Variants in PTPRM observed in about 807,000 individuals in gnomAD.
The protein encoded by PTPRM is receptor-type tyrosine-protein phosphatase mu.
A neutral mutation model predicts 186.7 loss-of-function variants in PTPRM; 47 were observed. That is an observed-to-expected ratio of 0.25 (90% confidence interval 0.20 to 0.32). The LOEUF (loss-of-function observed/expected upper bound fraction) is 0.32. Ranked by LOEUF, PTPRM falls within the 10% of genes least tolerant of loss-of-function variation. PTPRM has a pLI of 1.00. For synonymous variants in PTPRM, 668 were observed against 674.9 expected (o/e 0.99, Z 0.16); for missense variants, 1,494 against 1,865.0 (o/e 0.80, Z 3.66).
intron 32 of PTPRM, among the ~76,000 whole-genome samples, chr18:8,398,587 T>A (rs2148623248): frequency 6.6e-6 from 1 of 152,100 alleles, no homozygotes; most frequent in African/African-American, 2.4e-5. Flanking sequence ...CCAACCAACA[T>A]GGTGAAACCC....
intron 5 of PTPRM, among the ~76,000 whole-genome samples, chr18:7,946,405 C>A (rs1363682655): frequency 2.0e-5 from 3 of 152,182 alleles, no homozygotes; most frequent in Non-Finnish European, 4.4e-5. Flanking sequence ...CAAACAAATA[C>A]TTACAGATAT....
intron 7 of PTPRM, among the ~76,000 whole-genome samples, chr18:7,960,450 CATAT>C (rs71354579): frequency 0.063 from 7,596 of 120,382 alleles, 312 homozygotes; most frequent in African/African-American, 0.11. Flanking sequence ...ATATAGGCAA[CATAT>C]ATATATATAT....
chr18:7,940,301 T>C (rs1033816834), intron 5 of PTPRM, among the ~76,000 whole-genome samples: 16 of 152,214 alleles, frequency 1.1e-4, no homozygotes, highest in African/African-American at 2.9e-4. Context: ...CCTGCCTTCA[T>C]GGGACTTGTA....
chr18:7,659,941 G>A (rs2038940142), intron 1 of PTPRM, among the ~76,000 whole-genome samples: 1 of 152,194 alleles, frequency 6.6e-6, no homozygotes, highest in African/African-American at 2.4e-5. Flanking sequence ...TGGGTTCAGA[G>A]GGCTCTGTGG....
At chr18:7,652,007 A>C (rs2038718545) in intron 1 of PTPRM, among the ~76,000 whole-genome samples, 4 of 152,252 alleles carry the variant, frequency 2.6e-5, no homozygotes. Flanking sequence ...TACTCTTCTG[A>C]CAAAGGGCTA....
At chr18:7,600,039 T>C (rs2037361147) in intron 1 of PTPRM, among the ~76,000 whole-genome samples, 1 of 152,240 alleles carries the variant, frequency 6.6e-6, no homozygotes, top group South Asian at 2.1e-4. Context: ...GTTCTCATAA[T>C]GCTTGACCCT....
chr18:7,894,588 G>GAA (rs1430328800), intron 3 of PTPRM, among the ~76,000 whole-genome samples: 9 of 151,070 alleles, frequency 6.0e-5, no homozygotes, highest in East Asian at 5.8e-4. Context: ...TCCGTCTCAG[G>GAA]AAAAATATAT....
chr18:8,064,377 A>T (rs896696382), intron 7 of PTPRM, among the ~76,000 whole-genome samples: 6 of 148,536 alleles, frequency 4.0e-5, no homozygotes, highest in Admixed American at 6.7e-5. Context: ...CTGTAAGACT[A>T]TTTTTTTTTT....
chr18:8,384,503 C>T, intron 29 of PTPRM, 58 bp from the exon 30 acceptor site: 8 of 1,591,606 alleles, frequency 5.0e-6, no homozygotes, highest in Non-Finnish European at 6.9e-6. Flanking sequence ...CTTATCCAAA[C>T]TGTTAGGAGT....
intron 2 of PTPRM, among the ~76,000 whole-genome samples, chr18:7,809,049 A>C (rs1306080956): frequency 6.6e-6 from 1 of 152,152 alleles, no homozygotes; most frequent in African/African-American, 2.4e-5. Flanking sequence ...AATTCTCAGC[A>C]GTCATTACCC....
intron 2 of PTPRM, among the ~76,000 whole-genome samples, chr18:7,785,646 T>C (rs943090972): frequency 1.3e-5 from 2 of 152,200 alleles, no homozygotes; most frequent in South Asian, 2.1e-4. Flanking sequence ...CATTGGTACA[T>C]TTTAGGCAAA....
intron 2 of PTPRM, among the ~76,000 whole-genome samples, chr18:7,874,134 C>T (rs1009039350): frequency 4.0e-5 from 6 of 151,570 alleles, no homozygotes; most frequent in East Asian, 1.9e-4. Flanking sequence ...AAAATCCCTT[C>T]GTATATGTGT....
At chr18:7,592,214 C>T (rs937438990) in intron 1 of PTPRM, among the ~76,000 whole-genome samples, 1 of 151,978 alleles carries the variant, frequency 6.6e-6, no homozygotes, top group African/African-American at 2.4e-5. Flanking sequence ...TTTTAAGAGC[C>T]ACCTGAAAAA....
At chr18:7,733,939 C>G (rs529735293) in intron 1 of PTPRM, among the ~76,000 whole-genome samples, 34 of 152,338 alleles carry the variant, frequency 2.2e-4, no homozygotes, top group South Asian at 6.2e-4. Context: ...GTTGGAGATT[C>G]TCCGGGTACC....
rs1447276609 is a variant in PTPRM at position 7,612,300 on chromosome 18, T to C, written c.73+44409T>C. Among the ~76,000 whole-genome samples the C allele has an allele frequency of 3.9e-5, 6 of 152,170 alleles. No individual in the cohort carries two copies. The South Asian group carries it at 1.0e-3, about 26-fold the overall frequency. ...ATGTGTATGGAACCTGTTGTGAAGG[T>C]GCTGGCCACATTTTCTGATGCTTTA... On this transcript the variant is annotated intron_variant, in intron 1 of 32. Coordinates refer to ENST00000580170, the MANE Select transcript of PTPRM (RefSeq NM_001105244.2).
chr18:8,329,670 A>G (rs1242823286), intron 22 of PTPRM, among the ~76,000 whole-genome samples: 2 of 151,856 alleles, frequency 1.3e-5, no homozygotes, highest in East Asian at 3.9e-4. Context: ...CAGGATCAGC[A>G]CACGATCCGG....
intron 14 of PTPRM, among the ~76,000 whole-genome samples, chr18:8,217,669 A>G (rs2094106250): frequency 6.6e-6 from 1 of 152,028 alleles, no homozygotes; most frequent in South Asian, 2.1e-4. Context: ...CCTGGAAATG[A>G]CTCCATGTCA....
intron 14 of PTPRM, among the ~76,000 whole-genome samples, chr18:8,219,910 T>G (rs2094135414): frequency 6.6e-6 from 1 of 152,146 alleles, no homozygotes; most frequent in African/African-American, 2.4e-5. Context: ...AAGAGTATGT[T>G]TAGTCAATCT....
intron 2 of PTPRM, among the ~76,000 whole-genome samples, chr18:7,850,466 C>T (rs1468279315): frequency 6.6e-6 from 1 of 152,124 alleles, no homozygotes; most frequent in Non-Finnish European, 1.5e-5. Context: ...GCAACTTTTC[C>T]CATTCAGGCA....
Sources: gnomAD v4.1 joint callset for allele counts (sites outside exome capture counted in the v4.1 genomes callset) on GRCh38, gnomAD v4.1.1 for gene constraint, MANE v1.5 for transcripts, NCBI Gene and HGNC (gene_info 2026-07-23, HGNC 2026-07-21) for gene names.